The following ROBO1 variants were observed in gnomAD, a reference collection of about 807,000 sequenced individuals.
ROBO1 encodes roundabout guidance receptor 1, also known as roundabout homolog 1.
In ROBO1, 149 loss-of-function variants were observed where a neutral mutation model predicts 195.9. The observed-to-expected ratio is 0.76, with a 90% CI of 0.67 to 0.87. The LOEUF is 0.87. Ranked by LOEUF, ROBO1 falls within the 40% of genes least tolerant of loss-of-function variation. ROBO1 has a pLI of 0.00. For missense variants in ROBO1, 1,933 were observed against 2,068.3 expected (o/e 0.93, Z 1.27); for synonymous variants, 816 against 733.2 (o/e 1.11, Z -1.82).
rs985759338 is a variant in ROBO1, at chr3:79,559,228, C to A, written c.88+30596G>T. ...AGCCTATAAAAGCTCACTGCCTATG[C>A]TGCACAGTAGAGCTCTCTGACCCTT... On this transcript the variant is annotated intron_variant, in intron 2 of 30. Coordinates refer to ENST00000464233, the MANE Select transcript of ROBO1 (RefSeq NM_002941.4). Among the ~76,000 whole-genome samples, 10 of 152,312 alleles carry A rather than the reference C, an allele frequency of 6.6e-5. 1 individual carries two copies. The highest frequency in any genetic ancestry group is 5.9e-4 in the Admixed American group (9 of 15,294).
intron 2 of ROBO1, among the ~76,000 whole-genome samples, chr3:79,322,728 A>G (rs1488227049): frequency 1.3e-5 from 2 of 152,170 alleles, no homozygotes; most frequent in South Asian, 2.1e-4. Context: ...ATTTTTTTCT[A>G]TTCACATCCT....
At chr3:78,886,579 G>C (rs2036583555) in intron 4 of ROBO1, among the ~76,000 whole-genome samples, 2 of 152,074 alleles carry the variant, frequency 1.3e-5, no homozygotes, top group Admixed American at 6.6e-5. Flanking sequence ...GGGTGACAGA[G>C]TGAGACTCCA....
chr3:79,394,368 A>G (rs1053871896), intron 2 of ROBO1, among the ~76,000 whole-genome samples: 1 of 152,076 alleles, frequency 6.6e-6, no homozygotes, highest in Non-Finnish European at 1.5e-5. Flanking sequence ...CAAAATACCT[A>G]CTTGTTACTA....
At chr3:79,575,208 CAGATATATATATATAACAAAT>C (rs1943424657) in intron 2 of ROBO1, among the ~76,000 whole-genome samples, 5 of 53,254 alleles carry the variant, frequency 9.4e-5, no homozygotes, top group South Asian at 4.7e-4. Context: ...ATATATATAA[CAGATATATATATATAACAAAT>C]ATATATAAAT....
intron 2 of ROBO1, among the ~76,000 whole-genome samples, chr3:79,571,426 GA>G (rs1467507097): frequency 6.6e-6 from 1 of 152,016 alleles, no homozygotes; most frequent in African/African-American, 2.4e-5. Flanking sequence ...TTTATAGTTA[GA>G]TTTTTAAGAT....
chr3:79,640,700 T>C (rs1945633587), intron 1 of ROBO1, among the ~76,000 whole-genome samples: 1 of 152,184 alleles, frequency 6.6e-6, no homozygotes, highest in Non-Finnish European at 1.5e-5. Flanking sequence ...TACATTGACC[T>C]CATGCTACTT....
intron 4 of ROBO1, among the ~76,000 whole-genome samples, chr3:78,798,882 C>T (rs9309819): frequency 0.31 from 47,471 of 151,888 alleles, 8,423 homozygotes; most frequent in South Asian, 0.46. Context: ...ATGTGAATGG[C>T]GACTAAGATG....
At chr3:78,962,847 A>C (rs1278494036) in intron 3 of ROBO1, among the ~76,000 whole-genome samples, 2 of 150,342 alleles carry the variant, frequency 1.3e-5, no homozygotes, top group African/African-American at 2.5e-5. Context: ...AAAAAAAAAA[A>C]AACTTTTCAC....
intron 2 of ROBO1, among the ~76,000 whole-genome samples, chr3:79,433,498 A>G (rs2038760253): frequency 6.6e-6 from 1 of 152,046 alleles, no homozygotes; most frequent in Admixed American, 6.6e-5. Flanking sequence ...TCCTAGACTC[A>G]AGCAATCCTT....
chr3:79,356,709 G>C (rs936270325), intron 2 of ROBO1, among the ~76,000 whole-genome samples: 1 of 152,042 alleles, frequency 6.6e-6, no homozygotes, highest in Non-Finnish European at 1.5e-5. Flanking sequence ...ATCTGAATTT[G>C]TTTCCACTTC....
chr3:79,660,430 G>A (rs375065090), intron 1 of ROBO1, among the ~76,000 whole-genome samples: 3 of 152,090 alleles, frequency 2.0e-5, no homozygotes, highest in East Asian at 1.9e-4. Context: ...AAACAGGAGT[G>A]GCTACAATGC....
chr3:79,365,623 C>G (rs899858458), intron 2 of ROBO1, among the ~76,000 whole-genome samples: 1 of 152,146 alleles, frequency 6.6e-6, no homozygotes, highest in Non-Finnish European at 1.5e-5. Flanking sequence ...CAGGGCCGGG[C>G]ACGGTGGCTT....
intron 2 of ROBO1, among the ~76,000 whole-genome samples, chr3:79,225,264 G>A (rs930072350): frequency 2.6e-5 from 4 of 152,098 alleles, no homozygotes; most frequent in African/African-American, 9.7e-5. Flanking sequence ...GCATAAGATA[G>A]GTAATCAAGC....
intron 1 of ROBO1, among the ~76,000 whole-genome samples, chr3:79,656,076 C>G (rs1946149480): frequency 6.6e-6 from 1 of 152,034 alleles, no homozygotes; most frequent in East Asian, 1.9e-4. Context: ...ACAATAAACA[C>G]ACAAAATATT....
intron 2 of ROBO1, among the ~76,000 whole-genome samples, chr3:79,542,564 T>A (rs1942113576): frequency 6.6e-6 from 1 of 152,054 alleles, no homozygotes; most frequent in Non-Finnish European, 1.5e-5. Context: ...GATTCACATT[T>A]TAAAAATAAA....
At chr3:78,872,877 G>A (rs2107163881) in intron 4 of ROBO1, among the ~76,000 whole-genome samples, 1 of 152,206 alleles carries the variant, frequency 6.6e-6, no homozygotes, top group Middle Eastern at 3.4e-3. Flanking sequence ...CTTAAGTGAA[G>A]AAATACTTAT....
In ROBO1 at chr3:79,584,097, C is replaced by T. The variant is rs1943741740; in HGVS notation, c.88+5727G>A. ...AATTCAAATAAGCTCTCAACCTGGC[C>T]TTCACACAAATACAGTCTGTATCAT... is the stretch of plus-strand genomic sequence containing the variant. On this transcript the variant is annotated intron_variant, in intron 2 of 30. Transcript: ENST00000464233. Among the ~76,000 whole-genome samples, 3 of 151,854 alleles carry T rather than the reference C, an allele frequency of 2.0e-5. No homozygotes were observed. In the South Asian group the frequency reaches 6.2e-4, roughly 32 times the overall value.
intron 3 of ROBO1, among the ~76,000 whole-genome samples, chr3:79,057,075 T>C (rs530962095): frequency 1.3e-4 from 20 of 152,208 alleles, no homozygotes; most frequent in South Asian, 4.1e-4. Flanking sequence ...AAACAAATTG[T>C]TTGATTTTAT....
intron 2 of ROBO1, among the ~76,000 whole-genome samples, chr3:79,371,006 G>A (rs1337433061): frequency 6.6e-6 from 1 of 152,086 alleles, no homozygotes; most frequent in Non-Finnish European, 1.5e-5. Flanking sequence ...TCCCTGCAAA[G>A]GACATGAACT....
Sources: allele counts gnomAD v4.1 joint callset (sites outside exome capture counted in the v4.1 genomes callset), GRCh38; gene constraint gnomAD v4.1.1; transcripts MANE v1.5; gene names NCBI Gene and HGNC (gene_info 2026-07-23, HGNC 2026-07-21).